TSHZ2: variants seen among roughly 807,000 people sequenced by gnomAD.
TSHZ2 encodes teashirt homolog 2.
In TSHZ2, 21 loss-of-function variants were observed where a neutral mutation model predicts 74.4. The observed-to-expected ratio is 0.28, with a 90% CI of 0.20 to 0.41. The LOEUF (loss-of-function observed/expected upper bound fraction) is 0.41. Ranked by LOEUF, TSHZ2 falls within the 10% of genes least tolerant of loss-of-function variation. TSHZ2 has a pLI of 1.00. For synonymous variants in TSHZ2, 540 were observed against 515.3 expected, an observed-to-expected ratio of 1.05 and a Z score of -0.65; for missense variants, 1,244 against 1,293.5, an observed-to-expected ratio of 0.96 and a Z score of 0.59.
intron 2 of TSHZ2, among the ~76,000 whole-genome samples, chr20:53,273,978 C>T (rs955093069): frequency 3.3e-5 from 5 of 152,054 alleles, no homozygotes; most frequent in African/African-American, 9.7e-5. Context: ...GAATCCATTC[C>T]GATAAAAGTA....
At chr20:53,161,639 A>G (rs1290138490) in intron 1 of TSHZ2, among the ~76,000 whole-genome samples, 3 of 152,126 alleles carry the variant, frequency 2.0e-5, no homozygotes, top group Non-Finnish European at 4.4e-5. Context: ...ACTGCCAAAC[A>G]CTTATAAACC....
chr20:53,301,918 CATA>C (rs1441106295), intron 2 of TSHZ2, among the ~76,000 whole-genome samples: 2 of 152,102 alleles, frequency 1.3e-5, no homozygotes, highest in African/African-American at 4.8e-5. Context: ...ATGAGAATAT[CATA>C]ATATTTAAAT....
intron 1 of TSHZ2, among the ~76,000 whole-genome samples, chr20:53,153,133 A>T (rs1002246835): frequency 6.6e-6 from 1 of 152,230 alleles, no homozygotes; most frequent in Non-Finnish European, 1.5e-5. Context: ...GCCGCATGGA[A>T]CCAAAATCAG....
chr20:53,199,191 G>A (rs769137329), intron 1 of TSHZ2, among the ~76,000 whole-genome samples: 1 of 152,208 alleles, frequency 6.6e-6, no homozygotes, highest in African/African-American at 2.4e-5. Context: ...TTACAAGTGT[G>A]TTTAGAACTA....
intron 1 of TSHZ2, among the ~76,000 whole-genome samples, chr20:52,993,807 G>A (rs1356369188): frequency 6.6e-6 from 1 of 152,236 alleles, no homozygotes; most frequent in African/African-American, 2.4e-5. Flanking sequence ...ATAGTACACT[G>A]AGCAAACCAA....
chr20:53,155,507 A>G (rs1244225802), intron 1 of TSHZ2, among the ~76,000 whole-genome samples: 2 of 151,718 alleles, frequency 1.3e-5, no homozygotes, highest in Non-Finnish European at 2.9e-5. Context: ...CATTGAGGGG[A>G]TATATCAGGG....
intron 2 of TSHZ2, among the ~76,000 whole-genome samples, chr20:53,481,974 T>C (rs6097445): frequency 0.2 from 30,380 of 151,568 alleles, 3,217 homozygotes; most frequent in East Asian, 0.3. Context: ...CATGGTGGCG[T>C]ATGCCTGTAA....
At chr20:53,288,763 GA>G (rs1361440706) in intron 2 of TSHZ2, among the ~76,000 whole-genome samples, 1 of 152,180 alleles carries the variant, frequency 6.6e-6, no homozygotes, top group African/African-American at 2.4e-5. Context: ...AAGAGAAAAA[GA>G]AGAGCAATAG....
chr20:53,186,834 T>C (rs1428153807), intron 1 of TSHZ2, among the ~76,000 whole-genome samples: 4 of 152,202 alleles, frequency 2.6e-5, no homozygotes, highest in South Asian at 4.2e-4. Context: ...GAGTTACTTC[T>C]TTGCAATCTA....
intron 2 of TSHZ2, among the ~76,000 whole-genome samples, chr20:53,429,206 C>T (rs576251504): frequency 6.6e-6 from 1 of 152,272 alleles, no homozygotes; most frequent in African/African-American, 2.4e-5. Flanking sequence ...ACAGAGCAAC[C>T]TCCACCACAG....
At chr20:53,356,969 ATGTG>A (rs763525073) in intron 2 of TSHZ2, among the ~76,000 whole-genome samples, 6 of 152,140 alleles carry the variant, frequency 3.9e-5, no homozygotes, top group Admixed American at 1.3e-4. Flanking sequence ...GTGTGTGCGC[ATGTG>A]TGTGTGCATT....
intron 2 of TSHZ2, among the ~76,000 whole-genome samples, chr20:53,386,735 C>G (rs1403655113): frequency 6.6e-6 from 1 of 152,150 alleles, no homozygotes; most frequent in Non-Finnish European, 1.5e-5. Context: ...AGATGGGAAA[C>G]AGAGGCCTGC....
At chr20:53,172,087 T>C (rs1988217796) in intron 1 of TSHZ2, among the ~76,000 whole-genome samples, 1 of 152,238 alleles carries the variant, frequency 6.6e-6, no homozygotes, top group African/African-American at 2.4e-5. Context: ...CATTTTTCTG[T>C]CTATCTCACT....
intron 2 of TSHZ2, among the ~76,000 whole-genome samples, chr20:53,265,375 T>A (rs1379205300): frequency 2.0e-5 from 3 of 149,822 alleles, no homozygotes; most frequent in African/African-American, 7.4e-5. Context: ...GCTTGAGGGG[T>A]GTTGGAGGTG....
intron 1 of TSHZ2, among the ~76,000 whole-genome samples, chr20:53,225,720 G>T (rs1306979962): frequency 6.6e-6 from 1 of 152,178 alleles, no homozygotes; most frequent in Non-Finnish European, 1.5e-5. Flanking sequence ...TTCATTGGCA[G>T]AACTGAGGCT....
In TSHZ2 at chr20:53,351,880, GAA is replaced by G. The variant is rs369250623; in HGVS notation, c.*8+95312_*8+95313del. ...CCACTTATTGGTTTTATGACCTTTT[GAA>G]AAGTTTCCTCATACCTTGTGCTTCC... On this transcript the variant is annotated intron_variant, in intron 2 of 2. Coordinates refer to ENST00000371497, the MANE Select transcript of TSHZ2 (RefSeq NM_173485.6). Among the ~76,000 whole-genome samples, 18 of 152,316 alleles carry G rather than the reference GAA, an allele frequency of 1.2e-4. No individual in the cohort carries two copies. The East Asian group carries it at 2.7e-3, about 23-fold the overall frequency.
intron 1 of TSHZ2, among the ~76,000 whole-genome samples, chr20:53,028,407 C>T (rs1344149122): frequency 1.3e-5 from 2 of 152,360 alleles, no homozygotes; most frequent in Non-Finnish European, 1.5e-5. Flanking sequence ...GGCCACAGAA[C>T]CCGGTGGCGG....
At chr20:52,992,365 A>T (rs763921867) in intron 1 of TSHZ2, among the ~76,000 whole-genome samples, 29 of 152,188 alleles carry the variant, frequency 1.9e-4, no homozygotes, top group Non-Finnish European at 3.7e-4. Context: ...ATCTTAGTAA[A>T]TGTCATATAG....
intron 2 of TSHZ2, among the ~76,000 whole-genome samples, chr20:53,486,132 TAG>T (rs1380242440): frequency 3.3e-5 from 5 of 152,256 alleles, no homozygotes; most frequent in African/African-American, 1.2e-4. Context: ...ATATGTTATA[TAG>T]GTATAACCAT....
Sources: allele counts gnomAD v4.1 joint callset (sites outside exome capture counted in the v4.1 genomes callset), GRCh38; gene constraint gnomAD v4.1.1; transcripts MANE v1.5; gene names NCBI Gene and HGNC (gene_info 2026-07-23, HGNC 2026-07-21).